EMCN: variants seen among roughly 807,000 people sequenced by gnomAD.
The protein encoded by EMCN is endomucin.
EMCN carries 37 observed loss-of-function variants against 38.4 expected under a neutral mutation model. That is an observed-to-expected ratio of 0.96 (90% CI 0.74 to 1.27). The LOEUF is 1.27. EMCN is among the 50% of genes most tolerant of loss of function. The pLI is 0.00. For missense variants in EMCN, 318 were observed against 302.8 expected (o/e 1.05, Z -0.37); for synonymous variants, 95 against 100.8 (o/e 0.94, Z 0.35).
At chr4:100,435,241 A>T (rs1229828288) in intron 5 of EMCN, among the ~76,000 whole-genome samples, 1 of 152,192 alleles carries the variant, frequency 6.6e-6, no homozygotes, top group Non-Finnish European at 1.5e-5. Context: ...GCATGCAAGC[A>T]TAGAGCCAAA....
At chr4:100,405,478 A>C (rs899112360) in intron 11 of EMCN, among the ~76,000 whole-genome samples, 1 of 152,144 alleles carries the variant, frequency 6.6e-6, no homozygotes, top group Non-Finnish European at 1.5e-5. Flanking sequence ...TAAGATGATC[A>C]TGCAATTTTT....
chr4:100,478,433 T>C (rs1344723453), intron 2 of EMCN, among the ~76,000 whole-genome samples: 1 of 152,288 alleles, frequency 6.6e-6, no homozygotes, highest in South Asian at 2.1e-4. Context: ...GATGATGGCA[T>C]GGTAGCTTTG....
At chr4:100,454,040 A>G (rs1254534444) in intron 4 of EMCN, among the ~76,000 whole-genome samples, 4 of 140,574 alleles carry the variant, frequency 2.8e-5, no homozygotes, top group Non-Finnish European at 6.2e-5. Flanking sequence ...GGGGGAGGGG[A>G]GAGGGATAGC....
Position 100,465,440 on chromosome 4 carries a change from T to C in EMCN, c.359A>G (p.Gln120Arg). 1 of 1,602,286 alleles carries C rather than the reference T, an allele frequency of 6.2e-7. No homozygotes were observed. The highest frequency in any genetic ancestry group is 8.5e-7 in the Non-Finnish European group (1 of 1,171,680). ...ATACTTACTCTTGGGTTTGGAACTT[T>C]GTAATGTTGAAACAGCATTTGGAAG... ...VTLPNAVSTL[Q>R]SSKPKTETQS... The change falls in exon 4 of 12, where the codon CAA becomes CGA. Residue 120 changes from glutamine (Q) to arginine (R), a missense_variant. Gln to Arg is a conservative substitution (Grantham distance 43). Coordinates refer to ENST00000296420, the MANE Select transcript of EMCN (RefSeq NM_016242.4).
intron 1 of EMCN, among the ~76,000 whole-genome samples, chr4:100,491,283 G>A (rs993629902): frequency 6.6e-6 from 1 of 152,084 alleles, no homozygotes; most frequent in Non-Finnish European, 1.5e-5. Flanking sequence ...TCTTACGCTA[G>A]CACTATACTA....
chr4:100,444,757 C>T (rs1380801461), intron 5 of EMCN, among the ~76,000 whole-genome samples: 1 of 151,990 alleles, frequency 6.6e-6, no homozygotes, highest in Non-Finnish European at 1.5e-5. Flanking sequence ...TGCACTTGTT[C>T]CCAAGATTGT....
chr4:100,491,308 G>T (rs1729070378), intron 1 of EMCN, among the ~76,000 whole-genome samples: 1 of 152,056 alleles, frequency 6.6e-6, no homozygotes, highest in Non-Finnish European at 1.5e-5. Context: ...AATTACTATT[G>T]CTTTGCCGAG....
chr4:100,417,677 C>A (rs1469542368), intron 8 of EMCN, among the ~76,000 whole-genome samples: 1 of 152,218 alleles, frequency 6.6e-6, no homozygotes, highest in Non-Finnish European at 1.5e-5. Flanking sequence ...GCAGAGGCTA[C>A]TAGCTGCAAC....
intron 7 of EMCN, among the ~76,000 whole-genome samples, chr4:100,422,228 T>A (rs1343374616): frequency 1.3e-5 from 2 of 152,106 alleles, no homozygotes; most frequent in African/African-American, 2.4e-5. Context: ...ACTTCCATTG[T>A]CAGAGTTAAA....
rs539821331 is a variant in EMCN at position 100,410,331 on chromosome 4, G to T, written c.776C>A (p.Thr259Asn). 1.2e-6 allele frequency: 2 copies of T among 1,613,840 alleles called. No homozygotes were observed. Among genetic ancestry groups the T allele is most frequent in the Non-Finnish European group, 1.7e-6 (2 of 1,179,772 alleles). Residue 259 changes from threonine to asparagine, a missense_variant, in exon 11 of 12, where the codon ACC (threonine) becomes AAC (asparagine). Physicochemically the swap from Thr to Asn is moderately conservative, Grantham distance 65. Transcript: ENST00000296420. ...GAATTCCTCAAGCTGTCAGTTCTTG[G>T]TTTTTCCTTGTGCAGAGTGCTCACC... Reference protein sequence around the residue: ...ESGEHSAQGKTKN With the variant: ...ESGEHSAQGKNKN
chr4:100,397,903 G>C lies in EMCN; in HGVS notation c.*510C>G, dbSNP rs967242408. ...ATAAAATACTTATATGTACAAAGTA[G>C]CATGGTATGATTTCTACCTAATATT... On this transcript the variant is annotated 3_prime_UTR_variant, in exon 12 of 12. Transcript: ENST00000296420. 3 of 151,984 alleles carry C rather than the reference G, an allele frequency of 2.0e-5. No homozygotes were observed. The highest frequency in any genetic ancestry group is 6.6e-5 in the Admixed American group (1 of 15,230). 9.4% of individuals were successfully genotyped at this position (151,984 alleles called of 1,614,324 possible).
intron 1 of EMCN, among the ~76,000 whole-genome samples, chr4:100,512,582 A>G (rs1222076818): frequency 1.3e-5 from 2 of 152,116 alleles, no homozygotes; most frequent in African/African-American, 2.4e-5. Context: ...AGGCAGGTGG[A>G]TCACCTGAGG....
intron 4 of EMCN, among the ~76,000 whole-genome samples, chr4:100,448,796 C>CTTTCT (rs60525330): frequency 3.5e-3 from 245 of 70,752 alleles, no homozygotes; most frequent in African/African-American, 0.018. Context: ...GCCTTGAAGT[C>CTTTCT]TTCCTTCCTT....
intron 1 of EMCN, among the ~76,000 whole-genome samples, chr4:100,503,900 C>A (rs1457552059): frequency 2.6e-5 from 4 of 152,010 alleles, no homozygotes; most frequent in African/African-American, 9.7e-5. Flanking sequence ...AATGTTAGTG[C>A]AAGATATCAA....
chr4:100,459,692 C>A (rs1728123103), intron 4 of EMCN, among the ~76,000 whole-genome samples: 1 of 152,148 alleles, frequency 6.6e-6, no homozygotes, highest in South Asian at 2.1e-4. Flanking sequence ...TCTTCCTGTG[C>A]CAGACGTATT....
At position 100,423,364 on chromosome 4, in the gene EMCN, A is replaced by G. The variant is rs1477371244; in HGVS notation, c.456T>C (p.Gly152=). The G allele has an allele frequency of 1.2e-6, 2 of 1,613,076 alleles. No homozygotes were observed. Among genetic ancestry groups the G allele is most frequent in the Non-Finnish European group, 1.7e-6 (2 of 1,179,352 alleles). ...LQPDASPSKT[G]TLTSIPVTIP... is the part of the protein sequence containing the mutation. ...TTGTAACTGGTATTGAGGTTAATGT[A>G]CCAGTTTTAGAAGGTGATGCATCTG... Residue 152 remains glycine, a synonymous_variant, in exon 6 of 12, where the codon GGT becomes GGC. Coordinates refer to ENST00000296420, the MANE Select transcript of EMCN (RefSeq NM_016242.4).
intron 1 of EMCN, among the ~76,000 whole-genome samples, chr4:100,514,008 A>G (rs1171624100): frequency 6.6e-6 from 1 of 152,138 alleles, no homozygotes; most frequent in Non-Finnish European, 1.5e-5. Flanking sequence ...ATATACGGGC[A>G]TCCAGAAGAA....
intron 9 of EMCN, 93 bp from the exon 10 acceptor site, chr4:100,416,052 C>A: frequency 4.3e-6 from 3 of 694,416 alleles, no homozygotes; most frequent in Non-Finnish European, 2.4e-6. Context: ...GACGAAGATA[C>A]ATATGCATAT....
At chr4:100,458,952 T>C (rs1728092755) in intron 4 of EMCN, among the ~76,000 whole-genome samples, 1 of 152,120 alleles carries the variant, frequency 6.6e-6, no homozygotes, top group Non-Finnish European at 1.5e-5. Flanking sequence ...CTGTTCAGCA[T>C]GGAGAGAGGT....
Sources: allele counts gnomAD v4.1 joint callset (sites outside exome capture counted in the v4.1 genomes callset), GRCh38; gene constraint gnomAD v4.1.1; transcripts MANE v1.5; gene names NCBI Gene and HGNC (gene_info 2026-07-23, HGNC 2026-07-21).